Variants in NEGR1 observed in about 807,000 individuals in gnomAD.
NEGR1 encodes the protein neuronal growth regulator 1, also known as IgLON family member 4.
NEGR1 carries 10 observed loss-of-function variants against 40.9 expected under a neutral mutation model. The ratio of observed to expected loss-of-function variants is 0.24; its 90% CI spans 0.15 to 0.42. The LOEUF is 0.42. Ranked by LOEUF, NEGR1 falls within the 10% of genes least tolerant of loss-of-function variation. The pLI, the probability that NEGR1 is intolerant of heterozygous loss-of-function variation, is 1.00. For missense variants in NEGR1, 352 were observed against 438.9 expected, an observed-to-expected ratio of 0.80 and a Z score of 1.77; for synonymous variants, 185 against 166.8, an observed-to-expected ratio of 1.11 and a Z score of -0.84.
intron 2 of NEGR1, among the ~76,000 whole-genome samples, chr1:71,903,429 T>G (rs1661193983): frequency 6.6e-6 from 1 of 151,988 alleles, no homozygotes; most frequent in Admixed American, 6.6e-5. Context: ...TAACCAAAGT[T>G]GACAAAAGAG....
intron 1 of NEGR1, among the ~76,000 whole-genome samples, chr1:72,060,470 C>T (rs138161398): frequency 9.8e-4 from 149 of 151,758 alleles, no homozygotes; most frequent in Middle Eastern, 3.4e-3. Context: ...TCTAACCTAA[C>T]CATGTTAATC....
intron 1 of NEGR1, among the ~76,000 whole-genome samples, chr1:72,083,909 G>A (rs1241508039): frequency 6.6e-6 from 1 of 152,088 alleles, no homozygotes; most frequent in Non-Finnish European, 1.5e-5. Flanking sequence ...CAACCAAAGA[G>A]CATAGTCTTG....
chr1:72,203,230 A>G (rs925585594), intron 1 of NEGR1, among the ~76,000 whole-genome samples: 2 of 152,114 alleles, frequency 1.3e-5, no homozygotes, highest in African/African-American at 4.8e-5. Context: ...TCTGGAAAAT[A>G]TTCACCATTT....
intron 1 of NEGR1, among the ~76,000 whole-genome samples, chr1:71,981,802 A>T (rs1424960971): frequency 6.6e-6 from 1 of 152,126 alleles, no homozygotes; most frequent in African/African-American, 2.4e-5. Context: ...GAAGGGTTAG[A>T]AGGGTTAGAG....
chr1:71,625,166 C>A (rs2781158), intron 4 of NEGR1, among the ~76,000 whole-genome samples: 70,307 of 151,784 alleles, frequency 0.46, 16,441 homozygotes, highest in East Asian at 0.66. Flanking sequence ...GAATGTTTAA[C>A]ATTCCCACTA....
In NEGR1 at chr1:71,632,934, C is replaced by A. The variant is rs554243327; in HGVS notation, c.668-21788G>T. ...ACAAAGTGATAGGTAAAACTTCTGT[C>A]AATTCATTAAGTGATTTTATGGCAA... On this transcript the variant is annotated intron_variant, in intron 4 of 6. Transcript: ENST00000357731. Among the ~76,000 whole-genome samples the A allele has an allele frequency of 3.3e-5, 5 of 151,982 alleles. No homozygotes were observed. The South Asian group carries it at 1.0e-3, about 31-fold the overall frequency.
chr1:71,608,772 T>C (rs1260625851), intron 5 of NEGR1, among the ~76,000 whole-genome samples: 1 of 152,262 alleles, frequency 6.6e-6, no homozygotes, highest in East Asian at 1.9e-4. Flanking sequence ...TAGAGAAGGG[T>C]TGTGAACAGG....
chr1:71,781,822 T>TCTA (rs1656727032), intron 2 of NEGR1, among the ~76,000 whole-genome samples: 2 of 152,294 alleles, frequency 1.3e-5, no homozygotes, highest in Admixed American at 1.3e-4. Flanking sequence ...AATTATGAGA[T>TCTA]CTATTCTCCA....
At chr1:72,158,773 C>T (rs1364417899) in intron 1 of NEGR1, among the ~76,000 whole-genome samples, 1 of 152,088 alleles carries the variant, frequency 6.6e-6, no homozygotes, top group Non-Finnish European at 1.5e-5. Context: ...AATAATAAAA[C>T]TTATGATCTA....
chr1:72,248,583 T>TATTATTATC (rs1317611803), intron 1 of NEGR1, among the ~76,000 whole-genome samples: 24 of 141,848 alleles, frequency 1.7e-4, no homozygotes, highest in African/African-American at 6.4e-4. Flanking sequence ...TATTTATTAT[T>TATTATTATC]ATTATTATTA....
chr1:71,617,039 A>G (rs1373257480), intron 4 of NEGR1, among the ~76,000 whole-genome samples: 1 of 152,232 alleles, frequency 6.6e-6, no homozygotes, highest in Non-Finnish European at 1.5e-5. Context: ...GCATTAAAAG[A>G]CAAGACTTTG....
chr1:71,652,349 A>G (rs1410891091), intron 4 of NEGR1, among the ~76,000 whole-genome samples: 1 of 152,308 alleles, frequency 6.6e-6, no homozygotes, highest in Non-Finnish European at 1.5e-5. Context: ...TAAACTGAAT[A>G]AAATGTTTTC....
At chr1:72,194,670 C>G (rs1251680768) in intron 1 of NEGR1, among the ~76,000 whole-genome samples, 1 of 151,986 alleles carries the variant, frequency 6.6e-6, no homozygotes, top group South Asian at 2.1e-4. Flanking sequence ...ATGTGAAGAT[C>G]TAGAAAGGAT....
chr1:72,022,817 A>G (rs1646773101), intron 1 of NEGR1, among the ~76,000 whole-genome samples: 1 of 152,302 alleles, frequency 6.6e-6, no homozygotes, highest in African/African-American at 2.4e-5. Flanking sequence ...AGGCACCAAA[A>G]GAATCTACAA....
At chr1:72,050,778 A>G (rs979031539) in intron 1 of NEGR1, among the ~76,000 whole-genome samples, 5 of 151,540 alleles carry the variant, frequency 3.3e-5, no homozygotes, top group African/African-American at 9.7e-5. Flanking sequence ...AGGTTAGGCC[A>G]TAAAGACATT....
intron 3 of NEGR1, among the ~76,000 whole-genome samples, chr1:71,705,947 T>TC (rs34425434): frequency 0.91 from 138,812 of 152,146 alleles, 64,733 homozygotes; most frequent in East Asian, 1. Flanking sequence ...CAGGCATCAT[T>TC]CCCCAACAAG....
chr1:71,610,972 C>T (rs1650230188), intron 5 of NEGR1, 54 bp downstream of exon 5: 1 of 1,562,614 alleles, frequency 6.4e-7, no homozygotes, highest in Admixed American at 1.7e-5. Context: ...ATCTGAAACA[C>T]AAGCACGTTA....
At chr1:71,775,346 CT>C (rs11290277) in intron 3 of NEGR1, among the ~76,000 whole-genome samples, 93,382 of 131,538 alleles carry the variant, frequency 0.71, 34,041 homozygotes, top group Middle Eastern at 0.83. Flanking sequence ...TATTCTTTAA[CT>C]TTTTTTTTTT....
chr1:72,169,999 T>G (rs895246877), intron 1 of NEGR1, among the ~76,000 whole-genome samples: 1 of 152,166 alleles, frequency 6.6e-6, no homozygotes, highest in African/African-American at 2.4e-5. Context: ...GAAATTTAAA[T>G]CTAGATTTCC....
Sources: gnomAD v4.1 joint callset for allele counts (sites outside exome capture counted in the v4.1 genomes callset) on GRCh38, gnomAD v4.1.1 for gene constraint, MANE v1.5 for transcripts, NCBI Gene and HGNC (gene_info 2026-07-23, HGNC 2026-07-21) for gene names.